Variants in KCNA7 observed in about 807,000 individuals in gnomAD.
KCNA7 encodes the protein potassium voltage-gated channel subfamily A member 7.
Under a neutral mutation model 21.5 loss-of-function variants are expected in KCNA7, and 15 were observed. The observed-to-expected ratio is 0.70, with a 90% CI of 0.47 to 1.07. KCNA7 has a LOEUF of 1.07. KCNA7 is among the 50% of genes least tolerant of loss of function. The pLI, the probability that KCNA7 is intolerant of heterozygous loss-of-function variation, is 0.00. For synonymous variants in KCNA7, 298 were observed against 291.0 expected (o/e 1.02, Z -0.24); for missense variants, 640 against 651.6 (o/e 0.98, Z 0.19).
chr19:49,071,997 C>T (rs1486573427), intron 1 of KCNA7, 34 bp downstream of exon 1: 1 of 1,449,966 alleles, frequency 6.9e-7, no homozygotes, highest in Non-Finnish European at 9.3e-7. Context: ...TCCTCCCAAA[C>T]CCCGCCCGTC....
In KCNA7 at chr19:49,072,631, C is replaced by A; in HGVS notation, c.-46G>T. ...CCCGCGAACCGACGTGTGGCCCCGA[C>A]GCCCGGCCCCGGTGCGGCCCCGCCT... On this transcript the variant is annotated 5_prime_UTR_variant, in exon 1 of 2. Coordinates refer to ENST00000221444, the MANE Select transcript of KCNA7 (RefSeq NM_031886.3). 1 of 1,083,484 alleles carries A rather than the reference C, an allele frequency of 9.2e-7. No individual in the cohort carries two copies. Among genetic ancestry groups the A allele is most frequent in the Non-Finnish European group, 1.1e-6 (1 of 894,182 alleles). 67.1% of individuals were successfully genotyped at this position (1,083,484 alleles called of 1,614,324 possible).
At position 49,070,316 on chromosome 19, in the gene KCNA7, A is replaced by G; in HGVS notation, c.1118T>C (p.Ile373Thr). The stretch of plus-strand genomic sequence containing the variant: ...CGCAATGGCACACAGAGAGCCCACT[A>G]TCTTGCCACCCACAGTGACGGGTGC... Reference protein sequence around the residue: ...DMAPVTVGGKIVGSLCAIAGV... With the variant: ...DMAPVTVGGKTVGSLCAIAGV... Residue 373 changes from isoleucine (I) to threonine (T), a missense_variant, in exon 2 of 2, where the codon ATA becomes ACA. Physicochemically the swap from Ile to Thr is moderately conservative, Grantham distance 89. Transcript: ENST00000221444. This position sits in a 1 kb window ranked among gnomAD's most constrained non-coding sequence, Gnocchi z 4.3. 6.2e-7 allele frequency: 1 copy of G among 1,614,170 alleles called. No individual in the cohort carries two copies. The highest frequency in any genetic ancestry group is 1.7e-5 in the Admixed American group (1 of 60,022).
In KCNA7 at chr19:49,070,678, G is replaced by C. The variant is rs776844679; in HGVS notation, c.756C>G (p.Pro252=). 62 of 1,614,082 alleles carry C rather than the reference G, an allele frequency of 3.8e-5. No homozygotes were observed. Among genetic ancestry groups the C allele is most frequent in the Middle Eastern group, 1.6e-4 (1 of 6,084 alleles). ...GCTCGGTGCCCAGTGCCACAAAGTA[G>C]GGAAGGATAGCCACAAAATCGATGA... ...MNLIDFVAIL[P]YFVALGTELA... The change falls in exon 2 of 2, where the codon CCC becomes CCG. Residue 252 remains proline, a synonymous_variant. Coordinates refer to ENST00000221444, the MANE Select transcript of KCNA7 (RefSeq NM_031886.3). The surrounding 1 kb of genome is among the most constrained non-coding windows in gnomAD (Gnocchi z 4.3).
At position 49,070,871 on chromosome 19, in the gene KCNA7, G is replaced by A. The variant is rs760980546; in HGVS notation, c.563C>T (p.Ala188Val). ...AAAAAAGPFPAPLNGSSQMPG... is the reference protein window; with the variant it reads ...AAAAAAGPFPVPLNGSSQMPG... ...CATTTGGCTGGAGCCATTCAGCGGAGCGGGGAACTGCAGGGAGGAAAGTGT... is the reference window on the plus strand; with the variant it reads ...CATTTGGCTGGAGCCATTCAGCGGAACGGGGAACTGCAGGGAGGAAAGTGT... The change falls in exon 2 of 2, where the codon GCT becomes GTT. Residue 188 changes from alanine (A) to valine (V), a missense_variant. Physicochemically the swap from Ala to Val is moderately conservative, Grantham distance 64 (BLOSUM62 0). Transcript: ENST00000221444. This position sits in a 1 kb window ranked among gnomAD's most constrained non-coding sequence, Gnocchi z 4.3. The A allele has an allele frequency of 1.1e-5, 17 of 1,611,348 alleles. No individual in the cohort carries two copies. In the African/African-American group the frequency reaches 2.0e-4, roughly 19 times the overall value.
In KCNA7 at chr19:49,072,622, TGGCCCCGACGCCC is replaced by T. The variant is rs1379572672; in HGVS notation, c.-50_-38del. On this transcript the variant is annotated 5_prime_UTR_variant, in exon 1 of 2. Coordinates refer to ENST00000221444, the MANE Select transcript of KCNA7 (RefSeq NM_031886.3). ...CCCCGGCGACCCGCGAACCGACGTG[TGGCCCCGACGCCC>T]GGCCCCGGTGCGGCCCCGCCTCGGC... The T allele has an allele frequency of 7.0e-6, 8 of 1,141,246 alleles. No homozygotes were observed. In the East Asian group the frequency reaches 3.1e-4, roughly 44 times the overall value. 70.7% of individuals were successfully genotyped at this position (1,141,246 alleles called of 1,614,324 possible).
chr19:49,072,499 G>C lies in KCNA7; in HGVS notation c.87C>G (p.Arg29=), dbSNP rs1239260418. 1.3e-6 allele frequency: 2 copies of C among 1,495,264 alleles called. No homozygotes were observed. The highest frequency in any genetic ancestry group is 1.5e-5 in the African/African-American group (1 of 68,876). The allele number at this position is 1,495,264 out of a possible 1,614,324, so 92.6% of individuals were successfully genotyped here. The part of the protein sequence containing the change: ...VAGLRFETRA[R]TLGRFPDTLL... ...GAGTGTCCGGGAAGCGGCCCAGCGT[G>C]CGCGCCCGCGTCTCGAAGCGCAGCC... The change falls in exon 1 of 2, where the codon CGC becomes CGG. Residue 29 remains arginine, a synonymous_variant. Transcript: ENST00000221444.
chr19:49,070,091 G>C lies in KCNA7; in HGVS notation c.1343C>G (p.Pro448Arg). Reference protein sequence around the residue: ...PELPPPLWAPPGKHLVTEV With the variant: ...PELPPPLWAPRGKHLVTEV ...CACTTCGGTGACCAGGTGTTTCCCT[G>C]GGGGTGCCCAGAGTGGAGGTGGTAG... Residue 448 changes from proline to arginine, a missense_variant, in exon 2 of 2, where the codon CCA becomes CGA. Physicochemically the swap from Pro to Arg is moderately radical, Grantham distance 103 (BLOSUM62 -2). Transcript: ENST00000221444. The surrounding 1 kb of genome is among the most constrained non-coding windows in gnomAD (Gnocchi z 4.3). The C allele has an allele frequency of 6.8e-6, 11 of 1,606,662 alleles. No homozygotes were observed. The highest frequency in any genetic ancestry group is 9.3e-6 in the Non-Finnish European group (11 of 1,176,842).
chr19:49,070,593 G>A lies in KCNA7; in HGVS notation c.841C>T (p.Arg281Ter), dbSNP rs1232978310. The stretch of plus-strand genomic sequence containing the variant: ...AAGATGCGGAAGACACGCACCAATC[G>A]GATGACTCTCAGGATGGCCAGTGAC... The part of the protein sequence containing the change: ...AMSLAILRVI[R>*]LVRVFRIFKL... Residue 281 changes from arginine (R) to a stop codon, truncating the protein, a stop_gained, in exon 2 of 2, where the codon CGA becomes TGA. Coordinates refer to ENST00000221444, the MANE Select transcript of KCNA7 (RefSeq NM_031886.3). LOFTEE classifies it high-confidence loss of function. The surrounding 1 kb of genome is among the most constrained non-coding windows in gnomAD (Gnocchi z 4.3). 7 of 1,614,192 alleles carry A rather than the reference G, an allele frequency of 4.3e-6. No homozygotes were observed. The highest frequency in any genetic ancestry group is 5.9e-6 in the Non-Finnish European group (7 of 1,180,034).
In KCNA7 at chr19:49,072,279, G is replaced by T; in HGVS notation, c.307C>A (p.Leu103Met). 6.3e-7 allele frequency: 1 copy of T among 1,580,650 alleles called. No homozygotes were observed. Among genetic ancestry groups the T allele is most frequent in the Admixed American group, 1.8e-5 (1 of 56,594 alleles). Residue 103 changes from leucine (L) to methionine (M), a missense_variant, in exon 1 of 2, where the codon CTG becomes ATG. By Grantham distance (15) the Leu-to-Met change is conservative. Coordinates refer to ENST00000221444, the MANE Select transcript of KCNA7 (RefSeq NM_031886.3). ...CCCTCGTCCTCGCGCAGGCGTGCCA[G>T]GGCCGCCGCGCCCAGCCCGTAGAAG... ...VAFYGLGAAA[L>M]ARLREDEGCP...
Position 49,070,390 on chromosome 19 carries a change from G to A in KCNA7, c.1044C>T (p.Ser348=). The change falls in exon 2 of 2, where the codon TCC becomes TCT. Residue 348 remains serine, a synonymous_variant. Transcript: ENST00000221444. The surrounding 1 kb of genome is among the most constrained non-coding windows in gnomAD (Gnocchi z 4.3). ...TCATGGTGACTACCGCCCACCAGAA[G>A]GACTCAGGGATGCTAGTGAAATGGG... is the stretch of plus-strand genomic sequence containing the variant. ...VDSHFTSIPE[S]FWWAVVTMTT... is the part of the protein sequence containing the mutation. 2 of 1,614,108 alleles carry A rather than the reference G, an allele frequency of 1.2e-6. No individual in the cohort carries two copies. Among genetic ancestry groups the A allele is most frequent in the African/African-American group, 1.3e-5 (1 of 75,046 alleles).
intron 1 of KCNA7, among the ~76,000 whole-genome samples, chr19:49,071,539 G>C (rs549221412): frequency 1.5e-4 from 23 of 151,570 alleles, no homozygotes; most frequent in African/African-American, 5.3e-4. Flanking sequence ...CTGGGCGACA[G>C]AGCAAGACTC....
chr19:49,072,139 G>A lies in KCNA7; in HGVS notation c.447C>T (p.Ser149=), dbSNP rs142677554. The A allele has an allele frequency of 3.1e-4, 502 of 1,612,374 alleles. 1 individual carries two copies. In the African/African-American group the frequency reaches 5.4e-3, roughly 17 times the overall value. The change falls in exon 1 of 2, where the codon TCC becomes TCT. Residue 149 remains serine, a synonymous_variant. Coordinates refer to ENST00000221444, the MANE Select transcript of KCNA7 (RefSeq NM_031886.3). The part of the protein sequence containing the change: ...SQAARVLAVV[S]VLVILVSIVV... Reference sequence around the variant, plus strand: ...CGATGGAGACGAGGATGACCAGCACGGAGACTACGGCGAGCACGCGCGCGG... The same window carrying A: ...CGATGGAGACGAGGATGACCAGCACAGAGACTACGGCGAGCACGCGCGCGG...
chr19:49,070,448 G>A lies in KCNA7; in HGVS notation c.986C>T (p.Ala329Val). 6.2e-7 allele frequency: 1 copy of A among 1,614,140 alleles called. No individual in the cohort carries two copies. Among genetic ancestry groups the A allele is most frequent in the Non-Finnish European group, 8.5e-7 (1 of 1,180,030 alleles). Residue 329 changes from alanine (A) to valine (V), a missense_variant, in exon 2 of 2, where the codon GCC (alanine) becomes GTC (valine). By Grantham distance (64) the Ala-to-Val change is moderately conservative (BLOSUM62 0). Transcript: ENST00000221444. This position sits in a 1 kb window ranked among gnomAD's most constrained non-coding sequence, Gnocchi z 4.3. ...CCGGTCAACTTCGGCAAAGTAGACG[G>A]CGCTGGAAAAGAGGACCACACCGAT... ...LFIGVVLFSS[A>V]VYFAEVDRVD... is the part of the protein sequence containing the mutation.
Position 49,070,140 on chromosome 19 carries a change from G to GC in KCNA7, c.1293dup (p.Leu432AlafsTer8), listed in dbSNP as rs1343331789. On this transcript the variant is annotated frameshift_variant, in exon 2 of 2. Coordinates refer to ENST00000221444, the MANE Select transcript of KCNA7 (RefSeq NM_031886.3). LOFTEE classifies it low-confidence loss of function (END_TRUNC). The surrounding 1 kb of genome is among the most constrained non-coding windows in gnomAD (Gnocchi z 4.3). Reference sequence around the variant, plus strand: ...AGCTCAGGTACCTCCCCGTCCACCAGCCCCCCATTGGCCTTGCCCTCCAGT... The same window carrying GC: ...AGCTCAGGTACCTCCCCGTCCACCAGCCCCCCCATTGGCCTTGCCCTCCAGT... 6.2e-7 allele frequency: 1 copy of GC among 1,613,600 alleles called. No individual in the cohort carries two copies. The highest frequency in any genetic ancestry group is 8.5e-7 in the Non-Finnish European group (1 of 1,179,800).
In KCNA7 at chr19:49,070,976, G is replaced by A. The variant is rs893380531; in HGVS notation, c.556-98C>T. ...AATACCCAGCTCCTCTTTACACATT[G>A]GTCAGTAGCCGCTGCGCCAAGGCCC... On this transcript the variant is annotated intron_variant, in intron 1 of 1. Coordinates refer to ENST00000221444, the MANE Select transcript of KCNA7 (RefSeq NM_031886.3). This position sits in a 1 kb window ranked among gnomAD's most constrained non-coding sequence, Gnocchi z 4.3. 1 of 1,037,352 alleles carries A rather than the reference G, an allele frequency of 9.6e-7. No individual in the cohort carries two copies. The highest frequency in any genetic ancestry group is 1.6e-5 in the African/African-American group (1 of 61,680). The allele number at this position is 1,037,352 out of a possible 1,614,324, so 64.3% of individuals were successfully genotyped here. A position where few individuals can be genotyped will look rare whatever the true frequency, so the allele number is the denominator to read the frequency against.
intron 1 of KCNA7, among the ~76,000 whole-genome samples, chr19:49,071,737 T>C (rs966631536): frequency 6.6e-6 from 1 of 152,006 alleles, no homozygotes; most frequent in Non-Finnish European, 1.5e-5. Flanking sequence ...CTCCGGAGTT[T>C]TCAGGCTCTC....
chr19:49,071,413 G>A (rs559466558), intron 1 of KCNA7, among the ~76,000 whole-genome samples: 1 of 152,094 alleles, frequency 6.6e-6, no homozygotes, highest in South Asian at 2.1e-4. Context: ...AAAATTAGCC[G>A]GGCGTGGTGG....
At chr19:49,071,948 C>T in intron 1 of KCNA7, 83 bp downstream of exon 1, 2 of 1,350,890 alleles carry the variant, frequency 1.5e-6, no homozygotes, top group Non-Finnish European at 2.0e-6. Flanking sequence ...CCTGGCCCCG[C>T]CTTATGATTG....
chr19:49,072,653 G>A lies in KCNA7; in HGVS notation c.-68C>T, dbSNP rs1184196968. ...CGACGCCCGGCCCCGGTGCGGCCCC[G>A]CCTCGGCCGCCTCGGCCGCCGCCGC... On this transcript the variant is annotated 5_prime_UTR_variant, in exon 1 of 2. Transcript: ENST00000221444. The A allele has an allele frequency of 2.1e-6, 2 of 932,958 alleles. No individual in the cohort carries two copies. Among genetic ancestry groups the A allele is most frequent in the Non-Finnish European group, 2.6e-6 (2 of 783,498 alleles). 57.8% of individuals were successfully genotyped at this position (932,958 alleles called of 1,614,324 possible).
Sources: allele counts gnomAD v4.1 joint callset (sites outside exome capture counted in the v4.1 genomes callset), GRCh38; gene constraint gnomAD v4.1.1; non-coding constraint Gnocchi (gnomAD v3.1); transcripts MANE v1.5; gene names NCBI Gene and HGNC (gene_info 2026-07-23, HGNC 2026-07-21).